Variants in RALGAPA1 observed in about 807,000 individuals in gnomAD.
The protein encoded by RALGAPA1 is Ral GTPase activating protein catalytic subunit alpha 1.
A neutral mutation model predicts 269.6 loss-of-function variants in RALGAPA1; 52 were observed. The ratio of observed to expected loss-of-function variants is 0.19; its 90% CI spans 0.15 to 0.24. The LOEUF (loss-of-function observed/expected upper bound fraction) is 0.24. Ranked by LOEUF, RALGAPA1 falls within the 10% of genes least tolerant of loss-of-function variation. The pLI is 1.00. For missense variants in RALGAPA1, 1,917 were observed against 3,013.9 expected (o/e 0.64, Z 8.52); for synonymous variants, 817 against 1,008.3 (o/e 0.81, Z 3.60).
chr14:35,746,557 A>G (rs2072120741), intron 10 of RALGAPA1, among the ~76,000 whole-genome samples: 1 of 152,168 alleles, frequency 6.6e-6, no homozygotes, highest in African/African-American at 2.4e-5. Flanking sequence ...GTATACCTCA[A>G]TAAAGTTGGG....
At chr14:35,592,773 G>A (rs1207284459) in intron 37 of RALGAPA1, among the ~76,000 whole-genome samples, 6 of 152,204 alleles carry the variant, frequency 3.9e-5, no homozygotes, top group Middle Eastern at 6.8e-3. Context: ...CTCAATTGAC[G>A]TAGAAAAAGC....
chr14:35,789,194 T>G (rs1168582785), intron 1 of RALGAPA1, among the ~76,000 whole-genome samples: 1 of 151,968 alleles, frequency 6.6e-6, no homozygotes, highest in African/African-American at 2.4e-5. Context: ...ACTAGAAGCT[T>G]TCAGATATAA....
chr14:35,548,685 TA>T, intron 40 of RALGAPA1, 147 bp from the exon 41 acceptor site: 1 of 538,736 alleles, frequency 1.9e-6, no homozygotes. Context: ...TATTGTAACA[TA>T]AATTACAGTA....
intron 1 of RALGAPA1, among the ~76,000 whole-genome samples, chr14:35,777,676 C>A (rs906259818): frequency 9.2e-5 from 14 of 152,146 alleles, no homozygotes; most frequent in Admixed American, 2.6e-4. Flanking sequence ...GATTCTCCTG[C>A]CTCAGACTCC....
rs1399491484 is a variant in RALGAPA1, at chr14:35,635,595, C to T, written c.5680G>A (p.Val1894Ile). The change falls in exon 32 of 42, where the codon GTA becomes ATA. Residue 1894 changes from valine to isoleucine, a missense_variant. This residue lies in a region of RALGAPA1 where 346 missense variants were observed against 566.1 expected (regional missense o/e 0.61). Coordinates refer to ENST00000680220, the MANE Select transcript of RALGAPA1 (RefSeq NM_001346249.2). ...AGAAGGCAGAGAAGTAAAGATACTACCAACTGTAACAACAATAGAATCATT... is the reference window on the plus strand; with the variant it reads ...AGAAGGCAGAGAAGTAAAGATACTATCAACTGTAACAACAATAGAATCATT... ...ASSYEMDKRL[V>I]VSLLLCLLDW... 3 of 1,572,662 alleles carry T rather than the reference C, an allele frequency of 1.9e-6. No homozygotes were observed.
At chr14:35,567,333 TG>T (rs993715078) in intron 39 of RALGAPA1, among the ~76,000 whole-genome samples, 4 of 152,120 alleles carry the variant, frequency 2.6e-5, no homozygotes, top group Non-Finnish European at 5.9e-5. Context: ...TCCTTGGTGT[TG>T]GGTAGACTTG....
intron 26 of RALGAPA1, among the ~76,000 whole-genome samples, chr14:35,669,214 G>A (rs1375514479): frequency 1.3e-5 from 2 of 152,130 alleles, no homozygotes; most frequent in African/African-American, 4.8e-5. Flanking sequence ...TTCCAACCAT[G>A]TTACAAATCC....
In RALGAPA1 at chr14:35,688,462, C is replaced by T. The variant is rs536362922; in HGVS notation, c.3949G>A (p.Ala1317Thr). 45 of 1,536,140 alleles carry T rather than the reference C, an allele frequency of 2.9e-5. 1 individual carries two copies. In the South Asian group the frequency reaches 5.4e-4, roughly 18 times the overall value. ...TCTGCACACTGTTAGTGCTCACCTG[C>T]AGCTTTCCTTCCAAAATAGCCCATT... ...HVMGYFGRKA[A>T]VNKEDMSQKL... The change falls in exon 18 of 42, where the codon GCA (alanine) becomes ACA (threonine). Residue 1317 changes from alanine (A) to threonine (T), a missense_variant. This residue lies in a region of RALGAPA1 where 615 missense variants were observed against 790.0 expected (regional missense o/e 0.78). Coordinates refer to ENST00000680220, the MANE Select transcript of RALGAPA1 (RefSeq NM_001346249.2).
At chr14:35,742,077 C>T (rs1047388605) in intron 11 of RALGAPA1, among the ~76,000 whole-genome samples, 2 of 152,134 alleles carry the variant, frequency 1.3e-5, no homozygotes, top group Non-Finnish European at 2.9e-5. Flanking sequence ...GATGTAGTAC[C>T]ACAGTTTGAA....
At chr14:35,656,027 ATTT>A in intron 28 of RALGAPA1, 112 bp from the exon 29 acceptor site, 1 of 1,549,548 alleles carries the variant, frequency 6.5e-7, no homozygotes, top group South Asian at 1.2e-5. Flanking sequence ...GAATTAATGA[ATTT>A]GTTACTCTAT....
chr14:35,613,270 C>T (rs922192099), intron 35 of RALGAPA1, among the ~76,000 whole-genome samples: 1 of 151,670 alleles, frequency 6.6e-6, no homozygotes, highest in Admixed American at 6.6e-5. Context: ...TTAGTAGAGA[C>T]GGGGTTTCAC....
intron 41 of RALGAPA1, among the ~76,000 whole-genome samples, chr14:35,541,040 ATTTTTT>A (rs559979336): frequency 0.012 from 1,057 of 89,190 alleles, 31 homozygotes; most frequent in African/African-American, 0.053. Flanking sequence ...GAACACTTCA[ATTTTTT>A]TTTTTTTTTT....
At chr14:35,541,873 A>C (rs1594482915) in intron 41 of RALGAPA1, 1 of 468,150 alleles carries the variant, frequency 2.1e-6, no homozygotes. Flanking sequence ...TAGATAACAG[A>C]TATGAGAGAC....
chr14:35,757,348 G>A (rs925964911), intron 6 of RALGAPA1, among the ~76,000 whole-genome samples: 1 of 151,916 alleles, frequency 6.6e-6, no homozygotes, highest in Non-Finnish European at 1.5e-5. Flanking sequence ...TCAAATTCCT[G>A]ATCTCAGGTG....
chr14:35,808,732 A>G lies in RALGAPA1; in HGVS notation c.104T>C (p.Ile35Thr). The part of the protein sequence containing the change: ...LTRLKHLRIV[I>T]ENAESIDLKQ... ...CGCTGCCACCCCTCGCTCCTCACCG[A>G]TGACGATGCGCAGGTGCTTGAGGCG... Residue 35 changes from isoleucine (I) to threonine (T), a missense_variant and splice_region_variant, in exon 1 of 42, where the codon ATC becomes ACC. Transcript: ENST00000680220. 1 of 1,612,106 alleles carries G rather than the reference A, an allele frequency of 6.2e-7. No individual in the cohort carries two copies. Among genetic ancestry groups the G allele is most frequent in the South Asian group, 1.1e-5 (1 of 90,540 alleles).
chr14:35,548,613 A>G, intron 40 of RALGAPA1, 75 bp from the exon 41 acceptor site: 1 of 979,836 alleles, frequency 1.0e-6, no homozygotes, highest in Non-Finnish European at 1.5e-6. Context: ...CGAGTCATTT[A>G]TTTTCTTACT....
chr14:35,542,025 A>C (rs752626677), intron 41 of RALGAPA1: 2 of 1,257,914 alleles, frequency 1.6e-6, no homozygotes, highest in African/African-American at 3.1e-5. Flanking sequence ...TGTTATACTT[A>C]CCAACTAACA....
chr14:35,579,313 C>T (rs3818573), intron 37 of RALGAPA1, among the ~76,000 whole-genome samples: 6,687 of 152,110 alleles, frequency 0.044, 390 homozygotes, highest in South Asian at 0.14. Context: ...GGCCAAATCA[C>T]GTAGTGCCAT....
rs901437752 is a variant in RALGAPA1 at position 35,770,460 on chromosome 14, T to TA, written c.325+481dup. ...AAAGAAGAAATCAAAGGCATCTGAT[T>TA]AAAAAAAAAAGTAACTGTACTCATT... On this transcript the variant is annotated intron_variant, in intron 4 of 41. Transcript: ENST00000680220. Among the ~76,000 whole-genome samples the TA allele has an allele frequency of 3.6e-4, 54 of 148,070 alleles. 1 individual carries two copies. The highest frequency in any genetic ancestry group is 1.3e-3 in the African/African-American group (52 of 40,412).
Sources: gnomAD v4.1 joint callset for allele counts (sites outside exome capture counted in the v4.1 genomes callset) on GRCh38, gnomAD v4.1.1 for gene constraint, gnomAD v4.1.1 regional missense constraint, MANE v1.5 for transcripts, NCBI Gene and HGNC (gene_info 2026-07-23, HGNC 2026-07-21) for gene names.